The following GRIN2A variants were observed in gnomAD, a reference collection of about 807,000 sequenced individuals.
GRIN2A encodes the protein glutamate receptor ionotropic, NMDA 2A.
Under a neutral mutation model 113.4 loss-of-function variants are expected in GRIN2A, and 22 were observed. That is an observed-to-expected ratio of 0.19 (90% confidence interval 0.14 to 0.28). The LOEUF (loss-of-function observed/expected upper bound fraction) is 0.28. Among genes scored for constraint, GRIN2A ranks in the 10% least tolerant of loss-of-function variants. GRIN2A has a pLI of 1.00. For missense variants in GRIN2A, 1,502 were observed against 1,887.0 expected (o/e 0.80, Z 3.78); for synonymous variants, 827 against 738.4 (o/e 1.12, Z -1.94).
At chr16:9,892,316 G>A (rs2043710712) in intron 3 of GRIN2A, among the ~76,000 whole-genome samples, 1 of 152,172 alleles carries the variant, frequency 6.6e-6, no homozygotes, top group South Asian at 2.1e-4. Flanking sequence ...GTCAATTGAA[G>A]GCTGTGTAGA....
chr16:9,810,000 A>G (rs1411650576), intron 10 of GRIN2A, among the ~76,000 whole-genome samples: 2 of 152,138 alleles, frequency 1.3e-5, no homozygotes, highest in Non-Finnish European at 2.9e-5. Context: ...CCTAGGAGGT[A>G]GAGGTTGCAG....
chr16:10,045,409 C>A (rs1276210124), intron 2 of GRIN2A, among the ~76,000 whole-genome samples: 2 of 106,712 alleles, frequency 1.9e-5, no homozygotes, highest in Non-Finnish European at 3.7e-5. Context: ...AGGCCTCTTG[C>A]AAATTTTTTT....
chr16:10,086,391 C>T (rs1290890302), intron 2 of GRIN2A, among the ~76,000 whole-genome samples: 1 of 152,082 alleles, frequency 6.6e-6, no homozygotes, highest in African/African-American at 2.4e-5. Context: ...TAGATCTTCT[C>T]ACTTCCCCTG....
At chr16:10,142,408 C>T (rs190913941) in intron 2 of GRIN2A, among the ~76,000 whole-genome samples, 22 of 152,282 alleles carry the variant, frequency 1.4e-4, no homozygotes, top group African/African-American at 2.9e-4. Flanking sequence ...GTTAAACCAA[C>T]GAAAGTGACC....
intron 2 of GRIN2A, among the ~76,000 whole-genome samples, chr16:9,991,906 A>T (rs1376288059): frequency 2.6e-5 from 4 of 152,126 alleles, no homozygotes; most frequent in African/African-American, 9.7e-5. Context: ...GTCAGGGGGT[A>T]GTGGGCAAGG....
chr16:9,819,860 G>A (rs1459023647), intron 10 of GRIN2A, among the ~76,000 whole-genome samples: 1 of 143,760 alleles, frequency 7.0e-6, no homozygotes, highest in African/African-American at 2.6e-5. Flanking sequence ...GGTGGAGGTT[G>A]CAGCGGGGAG....
rs182823929 is a variant in GRIN2A at position 9,915,882 on chromosome 16, T to A, written c.1007+22077A>T. Among the ~76,000 whole-genome samples the A allele has an allele frequency of 3.6e-3, 553 of 152,312 alleles. 3 individuals are homozygous for A. Among genetic ancestry groups the A allele is most frequent in the South Asian group, 9.3e-3 (45 of 4,822 alleles). ...AATTAGATTGATTAATAAATAGAAT[T>A]TAGCACAGTATGCCAGACACACTCT... On this transcript the variant is annotated intron_variant, in intron 3 of 12. Transcript: ENST00000330684.
In GRIN2A at chr16:9,760,511, A is replaced by G. The variant is rs1900537449; in HGVS notation, c.*2638T>C. Reference sequence around the variant, plus strand: ...TTTGAAAAAACACTTCGGTCAGTGAAAAGAATATATATTTTTTTCACAACA... The same window carrying G: ...TTTGAAAAAACACTTCGGTCAGTGAGAAGAATATATATTTTTTTCACAACA... On this transcript the variant is annotated 3_prime_UTR_variant, in exon 13 of 13. Transcript: ENST00000330684. 4.6e-6 allele frequency: 1 copy of G among 219,272 alleles called. No homozygotes were observed. The highest frequency in any genetic ancestry group is 2.3e-5 in the African/African-American group (1 of 44,394). 13.6% of individuals were successfully genotyped at this position (219,272 alleles called of 1,614,324 possible).
chr16:9,884,870 C>T (rs911532196), intron 4 of GRIN2A, among the ~76,000 whole-genome samples: 3 of 151,360 alleles, frequency 2.0e-5, no homozygotes, highest in Non-Finnish European at 2.9e-5. Context: ...CTGCCTCAGC[C>T]TTCAGAGTAG....
chr16:9,970,651 G>T (rs2045652892), intron 2 of GRIN2A: 2 of 326,020 alleles, frequency 6.1e-6, no homozygotes, highest in Non-Finnish European at 4.4e-6. Flanking sequence ...AAATCATTTT[G>T]GTTCAAGAAA....
chr16:10,173,095 C>T (rs1021300600), intron 2 of GRIN2A, among the ~76,000 whole-genome samples: 20 of 152,284 alleles, frequency 1.3e-4, no homozygotes, highest in African/African-American at 3.4e-4. Flanking sequence ...GTCACGCTAC[C>T]GGGAGGACGC....
intron 2 of GRIN2A, among the ~76,000 whole-genome samples, chr16:9,968,664 G>A (rs1264389460): frequency 2.6e-5 from 4 of 151,236 alleles, no homozygotes; most frequent in Admixed American, 1.3e-4. Context: ...CGGGAGTGCG[G>A]TGGCGTGATC....
chr16:9,784,201 G>A (rs559580954), intron 11 of GRIN2A, among the ~76,000 whole-genome samples: 1 of 152,220 alleles, frequency 6.6e-6, no homozygotes, highest in South Asian at 2.1e-4. Context: ...AAGCCGAGGT[G>A]GGTGGATCAC....
intron 5 of GRIN2A, among the ~76,000 whole-genome samples, chr16:9,845,131 A>C (rs993202906): frequency 3.3e-5 from 5 of 152,120 alleles, no homozygotes; most frequent in African/African-American, 1.2e-4. Flanking sequence ...CATTTCATCC[A>C]GACACAGTAA....
intron 11 of GRIN2A, among the ~76,000 whole-genome samples, chr16:9,786,057 G>A (rs932714015): frequency 3.9e-5 from 6 of 152,194 alleles, no homozygotes; most frequent in Admixed American, 1.3e-4. Context: ...GTAATTTACA[G>A]ACTAGCCCAG....
At chr16:10,132,826 G>A (rs891807706) in intron 2 of GRIN2A, among the ~76,000 whole-genome samples, 1 of 152,240 alleles carries the variant, frequency 6.6e-6, no homozygotes, top group Admixed American at 6.5e-5. Context: ...TTGCCATAAA[G>A]TTAGTGGCTT....
At chr16:10,155,515 T>A (rs2049671994) in intron 2 of GRIN2A, among the ~76,000 whole-genome samples, 1 of 152,168 alleles carries the variant, frequency 6.6e-6, no homozygotes, top group Admixed American at 6.5e-5. Context: ...CCCTGCCAAT[T>A]CTCCTGGCAG....
At chr16:10,123,315 T>A (rs1469319720) in intron 2 of GRIN2A, among the ~76,000 whole-genome samples, 1 of 152,118 alleles carries the variant, frequency 6.6e-6, no homozygotes, top group Non-Finnish European at 1.5e-5. Context: ...GTCAACAACA[T>A]CCTGCAGGCT....
chr16:9,831,837 A>C (rs529949035), intron 8 of GRIN2A, among the ~76,000 whole-genome samples: 17 of 152,140 alleles, frequency 1.1e-4, no homozygotes, highest in African/African-American at 3.4e-4. Flanking sequence ...TATTTTGAAG[A>C]AAGTCTGACA....
Sources: allele counts gnomAD v4.1 joint callset (sites outside exome capture counted in the v4.1 genomes callset), GRCh38; gene constraint gnomAD v4.1.1; transcripts MANE v1.5; gene names NCBI Gene and HGNC (gene_info 2026-07-23, HGNC 2026-07-21).